The following SULF1 variants were observed in gnomAD, a reference collection of about 807,000 sequenced individuals.
SULF1 encodes the protein extracellular sulfatase Sulf-1.
SULF1 carries 46 observed loss-of-function variants against 110.5 expected under a neutral mutation model. The ratio of observed to expected loss-of-function variants is 0.42; its 90% CI spans 0.33 to 0.53. The LOEUF is 0.53. Among genes scored for constraint, SULF1 ranks in the 20% least tolerant of loss-of-function variants. The probability of loss-of-function intolerance (pLI) is 0.12; values close to 1 mark genes in which losing one functional copy is unlikely to be tolerated. For missense variants in SULF1, 941 were observed against 1,094.2 expected, an observed-to-expected ratio of 0.86 and a Z score of 1.98; for synonymous variants, 371 against 387.1, an observed-to-expected ratio of 0.96 and a Z score of 0.49.
At chr8:69,570,651 CAT>C (rs1805164652) in intron 5 of SULF1, among the ~76,000 whole-genome samples, 1 of 152,210 alleles carries the variant, frequency 6.6e-6, no homozygotes, top group Non-Finnish European at 1.5e-5. Context: ...CAACCTATCA[CAT>C]ACTCCATCCA....
At chr8:69,546,626 A>C (rs748954684) in intron 3 of SULF1, among the ~76,000 whole-genome samples, 26 of 152,236 alleles carry the variant, frequency 1.7e-4, no homozygotes, top group Non-Finnish European at 2.6e-4. Context: ...TTAAAATGTT[A>C]AAATCAACGT....
At chr8:69,498,079 C>T (rs925812096) in intron 2 of SULF1, among the ~76,000 whole-genome samples, 1 of 151,054 alleles carries the variant, frequency 6.6e-6, no homozygotes, top group South Asian at 2.1e-4. Flanking sequence ...AACTGAGACT[C>T]ATGAGTGCTC....
rs138647692 is a variant in SULF1 at position 69,644,642 on chromosome 8, G to A, written c.2585+3801G>A. On this transcript the variant is annotated intron_variant, in intron 22 of 22. Transcript: ENST00000402687. ...TACAAAAAAAAAAGAAAAATTAGCCGGGCATGGTGGCGGGAGGCTGAGGCA... is the reference window on the plus strand; with the variant it reads ...TACAAAAAAAAAAGAAAAATTAGCCAGGCATGGTGGCGGGAGGCTGAGGCA... Among the ~76,000 whole-genome samples, 231 of 151,722 alleles carry A rather than the reference G, an allele frequency of 1.5e-3. 1 individual carries two copies. The highest frequency in any genetic ancestry group is 5.3e-3 in the African/African-American group (220 of 41,360).
intron 13 of SULF1, among the ~76,000 whole-genome samples, chr8:69,618,507 A>T (rs1809354137): frequency 6.6e-6 from 1 of 152,160 alleles, no homozygotes; most frequent in African/African-American, 2.4e-5. Flanking sequence ...TATATCAGAG[A>T]CTTGAGCATT....
intron 3 of SULF1, among the ~76,000 whole-genome samples, chr8:69,502,298 G>T (rs1259168644): frequency 6.6e-6 from 1 of 152,208 alleles, no homozygotes; most frequent in Non-Finnish European, 1.5e-5. Context: ...GGGGCAGTGT[G>T]GTAGGCCCGC....
At chr8:69,516,266 G>A (rs1000873403) in intron 3 of SULF1, among the ~76,000 whole-genome samples, 1 of 152,136 alleles carries the variant, frequency 6.6e-6, no homozygotes, top group African/African-American at 2.4e-5. Context: ...AGCATGGTTG[G>A]GGGAGGCCTC....
intron 22 of SULF1, among the ~76,000 whole-genome samples, chr8:69,643,935 C>T (rs942022019): frequency 1.3e-5 from 2 of 152,178 alleles, no homozygotes; most frequent in Non-Finnish European, 2.9e-5. Context: ...CGTATGAAAG[C>T]TGGTGCTGCT....
chr8:69,656,968 A>T (rs908033537), intron 22 of SULF1, among the ~76,000 whole-genome samples: 4 of 152,204 alleles, frequency 2.6e-5, no homozygotes, highest in African/African-American at 9.7e-5. Flanking sequence ...ACTTCTCTGC[A>T]ACCTTGCCAG....
chr8:69,594,356 T>C lies in SULF1; in HGVS notation c.734+5215T>C, dbSNP rs147844082. The stretch of plus-strand genomic sequence containing the variant: ...ATGAGCCAGCACACCTGACCTGTTA[T>C]TCCAATTTAACAGTTCTTTCTTCCC... On this transcript the variant is annotated intron_variant, in intron 8 of 22. Transcript: ENST00000402687. 5.2e-3 allele frequency among the ~76,000 whole-genome samples: 790 copies of C among 152,320 alleles called. 4 individuals are homozygous for C. Among genetic ancestry groups the C allele is most frequent in the Middle Eastern group, 0.02 (6 of 294 alleles).
intron 5 of SULF1, among the ~76,000 whole-genome samples, chr8:69,571,907 G>A (rs1297778424): frequency 6.6e-6 from 1 of 152,184 alleles, no homozygotes; most frequent in Non-Finnish European, 1.5e-5. Context: ...GGAGTGAAGA[G>A]ATTCAGATTC....
intron 5 of SULF1, among the ~76,000 whole-genome samples, chr8:69,572,417 A>T (rs1805300318): frequency 6.6e-6 from 1 of 152,216 alleles, no homozygotes; most frequent in Non-Finnish European, 1.5e-5. Context: ...GTCTGGATCA[A>T]ATTAATTGCT....
At chr8:69,591,596 A>G (rs921307630) in intron 8 of SULF1, among the ~76,000 whole-genome samples, 1 of 151,904 alleles carries the variant, frequency 6.6e-6, no homozygotes, top group African/African-American at 2.4e-5. Flanking sequence ...AAAGAAAAAC[A>G]TCTCTGATTC....
At chr8:69,570,944 C>T (rs1586432478) in intron 5 of SULF1, among the ~76,000 whole-genome samples, 1 of 152,206 alleles carries the variant, frequency 6.6e-6, no homozygotes, top group South Asian at 2.1e-4. Context: ...GCAGTGCATG[C>T]ACACCAGCTA....
chr8:69,495,158 A>G (rs754249154), intron 1 of SULF1, among the ~76,000 whole-genome samples: 10 of 152,214 alleles, frequency 6.6e-5, no homozygotes, highest in Non-Finnish European at 1.3e-4. Context: ...GAGTAATATC[A>G]GGTTGAGATA....
chr8:69,593,529 G>C (rs1376373047), intron 8 of SULF1, among the ~76,000 whole-genome samples: 4 of 152,144 alleles, frequency 2.6e-5, no homozygotes, highest in Non-Finnish European at 5.9e-5. Flanking sequence ...CTCTCAGACT[G>C]GGGTGAATGT....
Position 69,638,610 on chromosome 8 carries a change from T to C in SULF1, c.2393T>C (p.Leu798Ser). The C allele has an allele frequency of 6.2e-7, 1 of 1,614,018 alleles. No homozygotes were observed. Among genetic ancestry groups the C allele is most frequent in the Non-Finnish European group, 8.5e-7 (1 of 1,180,004 alleles). ...TTCTGTGAGTTTGCTACTGGCTTTT[T>C]GGAGTATTTTGATATGAATACAGAT... is the stretch of plus-strand genomic sequence containing the variant. ...FLFCEFATGF[L>S]EYFDMNTDPY... Residue 798 changes from leucine to serine, a missense_variant, in exon 20 of 23, where the codon TTG (leucine) becomes TCG (serine). This residue lies in a region of SULF1 where 112 missense variants were observed against 133.5 expected (regional missense o/e 0.84). Transcript: ENST00000402687.
At chr8:69,627,609 G>A (rs1267317863) in intron 16 of SULF1, among the ~76,000 whole-genome samples, 163 bp from the exon 17 acceptor site, 1 of 152,202 alleles carries the variant, frequency 6.6e-6, no homozygotes, top group East Asian at 1.9e-4. Flanking sequence ...TTGGAATATA[G>A]AGTCTATATA....
At chr8:69,599,220 G>T (rs951948253) in intron 8 of SULF1, among the ~76,000 whole-genome samples, 1 of 152,150 alleles carries the variant, frequency 6.6e-6, no homozygotes, top group Admixed American at 6.5e-5. Context: ...ATGGCATGGG[G>T]TCACATTCAG....
chr8:69,658,388 C>A, intron 22 of SULF1, 117 bp from the exon 23 acceptor site: 1 of 724,104 alleles, frequency 1.4e-6, no homozygotes, highest in Non-Finnish European at 2.3e-6. Context: ...GGGGAAAATG[C>A]TTTTGAGTGT....
Sources: allele counts gnomAD v4.1 joint callset (sites outside exome capture counted in the v4.1 genomes callset), GRCh38; gene constraint gnomAD v4.1.1; regional missense constraint gnomAD v4.1.1; transcripts MANE v1.5; gene names NCBI Gene and HGNC (gene_info 2026-07-23, HGNC 2026-07-21).